The following COLEC10 variants were observed in gnomAD, a reference collection of about 807,000 sequenced individuals.
COLEC10 encodes collectin subfamily member 10.
COLEC10 carries 22 observed loss-of-function variants against 28.4 expected under a neutral mutation model. The ratio of observed to expected loss-of-function variants is 0.78; its 90% CI spans 0.55 to 1.11. The LOEUF is 1.11. Ranked by LOEUF, COLEC10 falls within the 50% of genes least tolerant of loss-of-function variation. The pLI is 0.00. For synonymous variants in COLEC10, 125 were observed against 116.1 expected (o/e 1.08, Z -0.49); for missense variants, 361 against 344.1 (o/e 1.05, Z -0.39).
the COLEC10 span, among the ~76,000 whole-genome samples, chr8:118,959,227 A>T: frequency 1.3e-5 from 2 of 152,220 alleles, no homozygotes; most frequent in African/African-American, 4.8e-5. Flanking sequence ...AACAAAAAAA[A>T]TACCAGTGTC....
chr8:119,103,543 A>G (rs1172527483), intron 4 of COLEC10, among the ~76,000 whole-genome samples: 1 of 152,192 alleles, frequency 6.6e-6, no homozygotes, highest in Non-Finnish European at 1.5e-5. Flanking sequence ...TGGTTGTCAT[A>G]TATATTCTTC....
chr8:119,033,809 C>T (rs1241463251), intron 2 of COLEC10, among the ~76,000 whole-genome samples: 3 of 152,070 alleles, frequency 2.0e-5, no homozygotes, highest in African/African-American at 4.8e-5. Flanking sequence ...TAAATTAGTT[C>T]GACCATTGTG....
chr8:118,985,443 A>C, the COLEC10 span, among the ~76,000 whole-genome samples: 2 of 152,066 alleles, frequency 1.3e-5, no homozygotes, highest in Non-Finnish European at 2.9e-5. Context: ...TGAGAGAAAA[A>C]AGCGGCTTCT....
the COLEC10 span, among the ~76,000 whole-genome samples, chr8:118,986,693 A>G: frequency 6.6e-6 from 1 of 152,186 alleles, no homozygotes; most frequent in Non-Finnish European, 1.5e-5. Flanking sequence ...ACTCAATAAA[A>G]TAGTATTTCT....
the COLEC10 span, among the ~76,000 whole-genome samples, chr8:118,953,095 A>G: frequency 3.3e-5 from 5 of 152,200 alleles, no homozygotes; most frequent in Non-Finnish European, 7.3e-5. Flanking sequence ...GGATCAGAGC[A>G]TCTGCCCCTT....
chr8:119,008,048 G>T (rs1430407049), intron 1 of COLEC10, among the ~76,000 whole-genome samples: 1 of 150,834 alleles, frequency 6.6e-6, no homozygotes, highest in Non-Finnish European at 1.5e-5. Flanking sequence ...CCATTTTACT[G>T]TTATGACATT....
intron 2 of COLEC10, among the ~76,000 whole-genome samples, chr8:119,043,749 T>C (rs1265019762): frequency 6.6e-6 from 1 of 152,228 alleles, no homozygotes; most frequent in African/African-American, 2.4e-5. Flanking sequence ...GATTCATGTA[T>C]ATGGACAGCA....
chr8:119,029,063 C>T (rs1814242665), intron 2 of COLEC10, among the ~76,000 whole-genome samples: 1 of 152,144 alleles, frequency 6.6e-6, no homozygotes, highest in Admixed American at 6.5e-5. Context: ...TAAGTCCTCT[C>T]GCAGGGAATG....
At chr8:119,010,224 C>G (rs1001546355) in intron 2 of COLEC10, among the ~76,000 whole-genome samples, 1 of 150,702 alleles carries the variant, frequency 6.6e-6, no homozygotes, top group Non-Finnish European at 1.5e-5. Flanking sequence ...CTATCTTCAG[C>G]GTTTTGCCCA....
At chr8:118,968,438 G>C in the COLEC10 span, among the ~76,000 whole-genome samples, 1 of 151,900 alleles carries the variant, frequency 6.6e-6, no homozygotes, top group South Asian at 2.1e-4. Flanking sequence ...ATTTGCCATA[G>C]AACTCCTTTA....
intron 5 of COLEC10, among the ~76,000 whole-genome samples, chr8:119,104,305 T>C (rs1303726011): frequency 6.6e-6 from 1 of 152,164 alleles, no homozygotes; most frequent in Non-Finnish European, 1.5e-5. Context: ...CTCACTGAGT[T>C]TACATAATTG....
At chr8:118,967,210 T>C in the COLEC10 span, among the ~76,000 whole-genome samples, 29 of 152,140 alleles carry the variant, frequency 1.9e-4, no homozygotes, top group African/African-American at 6.7e-4. Context: ...GGCAAAAGTG[T>C]TTGGAAACAC....
the COLEC10 span, among the ~76,000 whole-genome samples, chr8:118,978,524 T>C: frequency 6.6e-6 from 1 of 151,436 alleles, no homozygotes; most frequent in African/African-American, 2.4e-5. Context: ...GCTTTTTTTT[T>C]CCTTAAAAAA....
chr8:118,974,867 A>G, the COLEC10 span, among the ~76,000 whole-genome samples: 2 of 152,062 alleles, frequency 1.3e-5, no homozygotes, highest in Non-Finnish European at 2.9e-5. Flanking sequence ...CAGGTCTTTC[A>G]AAGTAATCAA....
At chr8:119,000,622 T>A (rs13264172) in intron 1 of COLEC10, among the ~76,000 whole-genome samples, 94,131 of 151,942 alleles carry the variant, frequency 0.62, 30,280 homozygotes, top group African/African-American at 0.8. Context: ...TGTGAGAGGG[T>A]GATGAATATT....
Position 119,006,736 on chromosome 8 carries a change from C to T in COLEC10, n.123-2705C>T, listed in dbSNP as rs112040026. On this transcript the variant is annotated intron_variant and non_coding_transcript_variant, in intron 1 of 6. Coordinates refer to the COLEC10 transcript ENST00000521788. ...GGATATTGCCTATCATCATCTTTAC[C>T]CATTTTTTTTTATCTCCATCAGATG... Among the ~76,000 whole-genome samples the T allele has an allele frequency of 3.9e-3, 589 of 151,642 alleles. 2 individuals are homozygous for T. The highest frequency in any genetic ancestry group is 0.014 in the African/African-American group (565 of 41,438).
At chr8:119,060,556 T>G (rs543203101) in intron 2 of COLEC10, among the ~76,000 whole-genome samples, 1 of 152,270 alleles carries the variant, frequency 6.6e-6, no homozygotes, top group Non-Finnish European at 1.5e-5. Context: ...GCTGAGGTGA[T>G]AGTGAGCTAC....
intron 1 of COLEC10, among the ~76,000 whole-genome samples, chr8:119,072,674 T>C (rs974484213): frequency 6.6e-6 from 1 of 152,030 alleles, no homozygotes; most frequent in Non-Finnish European, 1.5e-5. Context: ...CCAGAGGAAA[T>C]GTCTACTTCA....
chr8:119,006,304 C>T (rs1481396213), intron 1 of COLEC10, among the ~76,000 whole-genome samples: 51 of 152,086 alleles, frequency 3.4e-4, no homozygotes, highest in Admixed American at 3.3e-3. Context: ...TAAACTTCCA[C>T]AAGCTCTTAG....
Sources: gnomAD v4.1 joint callset for allele counts (sites outside exome capture counted in the v4.1 genomes callset) on GRCh38, gnomAD v4.1.1 for gene constraint, MANE v1.5 for transcripts, NCBI Gene and HGNC (gene_info 2026-07-23, HGNC 2026-07-21) for gene names.